Variants in NPAS3 observed in about 807,000 individuals in gnomAD.
NPAS3 encodes neuronal PAS domain-containing protein 3.
A neutral mutation model predicts 73.1 loss-of-function variants in NPAS3; 14 were observed. That is an observed-to-expected ratio of 0.19 (90% CI 0.13 to 0.30). The LOEUF is 0.30. Among genes scored for constraint, NPAS3 ranks in the 10% least tolerant of loss-of-function variants. NPAS3 has a pLI of 1.00. For missense variants in NPAS3, 1,096 were observed against 1,250.0 expected (o/e 0.88, Z 1.86); for synonymous variants, 620 against 541.5 (o/e 1.14, Z -2.01).
chr14:32,940,091 C>T (rs1459838619), intron 1 of NPAS3, among the ~76,000 whole-genome samples: 1 of 152,238 alleles, frequency 6.6e-6, no homozygotes, highest in Non-Finnish European at 1.5e-5. Context: ...AAGAAGAAAA[C>T]CCTCAAATCC....
At chr14:33,604,498 TA>T (rs534234336) in intron 5 of NPAS3, among the ~76,000 whole-genome samples, 2,209 of 151,960 alleles carry the variant, frequency 0.015, 58 homozygotes, top group African/African-American at 0.048. Context: ...CAAGGAGGAA[TA>T]AAAAAAATTC....
intron 4 of NPAS3, among the ~76,000 whole-genome samples, chr14:33,443,687 C>T (rs2049352286): frequency 6.6e-6 from 1 of 152,142 alleles, no homozygotes. Flanking sequence ...GCCACTAGTT[C>T]CAGGAGGTCA....
chr14:33,040,682 G>A (rs1245483613), intron 1 of NPAS3, among the ~76,000 whole-genome samples: 1 of 152,074 alleles, frequency 6.6e-6, no homozygotes, highest in Non-Finnish European at 1.5e-5. Context: ...AAAGCCCCAA[G>A]GTTGTGTTCT....
chr14:33,004,302 C>T (rs2038911890), intron 1 of NPAS3, among the ~76,000 whole-genome samples: 1 of 152,176 alleles, frequency 6.6e-6, no homozygotes. Context: ...GCCTGCTACA[C>T]ACTAGGATAT....
At chr14:32,991,844 G>A (rs751618171) in intron 1 of NPAS3, among the ~76,000 whole-genome samples, 10 of 152,114 alleles carry the variant, frequency 6.6e-5, no homozygotes, top group Non-Finnish European at 1.2e-4. Flanking sequence ...ACTCAGCTTT[G>A]CCAACTCAGA....
chr14:32,976,659 G>T (rs528995780), intron 1 of NPAS3, among the ~76,000 whole-genome samples: 2 of 152,258 alleles, frequency 1.3e-5, no homozygotes, highest in South Asian at 4.1e-4. Flanking sequence ...TTTCATTTAG[G>T]TATCAACATT....
At chr14:33,237,865 T>C (rs2139812734) in intron 3 of NPAS3, among the ~76,000 whole-genome samples, 1 of 151,868 alleles carries the variant, frequency 6.6e-6, no homozygotes, top group African/African-American at 2.4e-5. Flanking sequence ...CATTTTTGCA[T>C]ATGCTATAAT....
At chr14:33,641,487 C>T (rs2058673876) in intron 5 of NPAS3, among the ~76,000 whole-genome samples, 2 of 152,204 alleles carry the variant, frequency 1.3e-5, no homozygotes, top group South Asian at 4.1e-4. Flanking sequence ...CATGTAACAC[C>T]ACTGGTCCCA....
rs528860081 is a variant in NPAS3 at position 33,746,171 on chromosome 14, T to TTTTATTTATTTA, written c.852+10859_852+10870dup. ...TATTGACTCATTCTTTTTTATTTTA[T>TTTTATTTATTTA]TTTATTTATTTATTTATTTATTTAT... On this transcript the variant is annotated intron_variant, in intron 7 of 11. Coordinates refer to ENST00000356141, the Ensembl canonical transcript of NPAS3. Among the ~76,000 whole-genome samples the TTTTATTTATTTA allele has an allele frequency of 5.6e-3, 805 of 144,450 alleles. 7 individuals are homozygous for TTTTATTTATTTA. The highest frequency in any genetic ancestry group is 0.019 in the African/African-American group (730 of 39,296). The allele number at this position is 144,450 out of a possible 152,430, so 94.8% of individuals were successfully genotyped here.
At chr14:33,522,076 G>A (rs2053582341) in intron 4 of NPAS3, among the ~76,000 whole-genome samples, 1 of 152,042 alleles carries the variant, frequency 6.6e-6, no homozygotes, top group South Asian at 2.1e-4. Flanking sequence ...AATTTAATAT[G>A]GTTTAGAAGC....
chr14:33,604,569 T>C (rs1024612784), intron 5 of NPAS3, among the ~76,000 whole-genome samples: 2 of 152,100 alleles, frequency 1.3e-5, no homozygotes, highest in Non-Finnish European at 2.9e-5. Context: ...AGTAAAGATA[T>C]AGAATCTTTA....
intron 5 of NPAS3, among the ~76,000 whole-genome samples, chr14:33,580,934 T>C (rs2056641451): frequency 6.6e-6 from 1 of 152,238 alleles, no homozygotes; most frequent in Non-Finnish European, 1.5e-5. Context: ...TTTATGCTTC[T>C]AAACCCAAGT....
chr14:33,118,855 C>T (rs768040745), intron 2 of NPAS3, among the ~76,000 whole-genome samples: 1 of 151,612 alleles, frequency 6.6e-6, no homozygotes. Context: ...GGCAAGACAG[C>T]TCAGCAAACA....
chr14:33,543,694 G>A (rs2054621764), intron 4 of NPAS3, among the ~76,000 whole-genome samples: 1 of 152,108 alleles, frequency 6.6e-6, no homozygotes. Flanking sequence ...CAATCAGAGA[G>A]GACAACAATC....
chr14:33,661,271 T>C (rs923209548), intron 5 of NPAS3, among the ~76,000 whole-genome samples: 2 of 152,162 alleles, frequency 1.3e-5, no homozygotes. Context: ...GTCTGGGTTT[T>C]ATGGTTGGAG....
chr14:33,552,510 T>G (rs893195987), intron 4 of NPAS3, among the ~76,000 whole-genome samples: 1 of 152,170 alleles, frequency 6.6e-6, no homozygotes. Context: ...GTTTATGATG[T>G]CCGATAACAA....
At chr14:33,639,267 A>T (rs2058611516) in intron 5 of NPAS3, among the ~76,000 whole-genome samples, 1 of 152,180 alleles carries the variant, frequency 6.6e-6, no homozygotes, top group Non-Finnish European at 1.5e-5. Flanking sequence ...ATATGTAGAC[A>T]CACTCCTGTC....
At chr14:33,314,365 C>T (rs912575317) in intron 3 of NPAS3, among the ~76,000 whole-genome samples, 1 of 151,964 alleles carries the variant, frequency 6.6e-6, no homozygotes, top group Non-Finnish European at 1.5e-5. Flanking sequence ...AGGAGCTACA[C>T]AGACTAGGTA....
intron 1 of NPAS3, among the ~76,000 whole-genome samples, chr14:32,950,469 A>C (rs976585701): frequency 9.9e-5 from 15 of 152,112 alleles, no homozygotes; most frequent in African/African-American, 3.6e-4. Flanking sequence ...GTTTAATTTC[A>C]TACATGCATA....
Sources: gnomAD v4.1 joint callset for allele counts (sites outside exome capture counted in the v4.1 genomes callset) on GRCh38, gnomAD v4.1.1 for gene constraint, MANE v1.5 for transcripts, NCBI Gene and HGNC (gene_info 2026-07-23, HGNC 2026-07-21) for gene names.